MRTFA: variants seen among roughly 807,000 people sequenced by gnomAD.
MRTFA encodes myocardin-related transcription factor A.
In MRTFA, 20 loss-of-function variants were observed where a neutral mutation model predicts 83.5. The observed-to-expected ratio is 0.24, with a 90% CI of 0.17 to 0.35. MRTFA has a LOEUF of 0.35. Ranked by LOEUF, MRTFA falls within the 10% of genes least tolerant of loss-of-function variation. The probability of loss-of-function intolerance (pLI) is 1.00; values close to 1 mark genes in which losing one functional copy is unlikely to be tolerated. For synonymous variants in MRTFA, 659 were observed against 541.2 expected (o/e 1.22, Z -3.02); for missense variants, 1,200 against 1,224.7 (o/e 0.98, Z 0.30).
At position 40,410,944 on chromosome 22, in the gene MRTFA, G is replaced by A. The variant is rs2052507773; in HGVS notation, c.*446C>T. 4.2e-6 allele frequency: 1 copy of A among 235,680 alleles called. No homozygotes were observed. Among genetic ancestry groups the A allele is most frequent in the Middle Eastern group, 1.3e-3 (1 of 794 alleles). The allele number at this position is 235,680 out of a possible 1,614,324, so 14.6% of individuals were successfully genotyped here. A position where few individuals can be genotyped will look rare whatever the true frequency, so the allele number is the denominator to read the frequency against. On this transcript the variant is annotated 3_prime_UTR_variant, in exon 15 of 15. Transcript: ENST00000355630. ...TGGCAGACACAGGGAATAGGGGGTAGAGGCCCAGGCTAATTTCTCCCTTCA... is the reference window on the plus strand; with the variant it reads ...TGGCAGACACAGGGAATAGGGGGTAAAGGCCCAGGCTAATTTCTCCCTTCA...
intron 3 of MRTFA, among the ~76,000 whole-genome samples, chr22:40,501,976 G>C: frequency 7.8e-6 from 1 of 128,074 alleles, no homozygotes. Flanking sequence ...CTGGCCGGGC[G>C]GGGGGCTGAC....
chr22:40,587,792 C>T, intron 2 of MRTFA: 1 of 337,882 alleles, frequency 3.0e-6, no homozygotes, highest in East Asian at 7.3e-5. Flanking sequence ...CCCAACTCTG[C>T]CAGTACCCCA....
chr22:40,516,802 G>C (rs2054768187), intron 3 of MRTFA, among the ~76,000 whole-genome samples: 1 of 152,102 alleles, frequency 6.6e-6, no homozygotes, highest in Admixed American at 6.6e-5. Flanking sequence ...AAACAAGGAA[G>C]CTTCTATGCA....
At chr22:40,569,510 G>A (rs2055754135) in intron 2 of MRTFA, 1 of 153,920 alleles carries the variant, frequency 6.5e-6, no homozygotes, top group African/African-American at 2.4e-5. Context: ...GATTACTTAA[G>A]GTCAGGAGTT....
intron 7 of MRTFA, among the ~76,000 whole-genome samples, chr22:40,429,056 C>A (rs977473007): frequency 5.3e-5 from 8 of 152,222 alleles, no homozygotes; most frequent in Non-Finnish European, 8.8e-5. Context: ...AGCACAGCTT[C>A]TCTATCCTGC....
At chr22:40,445,130 C>T (rs1168169703) in intron 4 of MRTFA, among the ~76,000 whole-genome samples, 1 of 152,114 alleles carries the variant, frequency 6.6e-6, no homozygotes, top group Non-Finnish European at 1.5e-5. Context: ...TTTCATTACC[C>T]CCAACATACA....
intron 2 of MRTFA, among the ~76,000 whole-genome samples, chr22:40,594,202 G>A (rs996615248): frequency 6.6e-6 from 1 of 152,162 alleles, no homozygotes; most frequent in Non-Finnish European, 1.5e-5. Flanking sequence ...TGCCAGTAAT[G>A]GCCTGGCTAC....
At chr22:40,586,950 G>A (rs2056039866) in intron 2 of MRTFA, 9 of 446,774 alleles carry the variant, frequency 2.0e-5, no homozygotes, top group South Asian at 4.9e-5. Flanking sequence ...TGCCACCGCC[G>A]CCGCTGCCTT....
At chr22:40,465,617 G>GT (rs1177835079) in intron 3 of MRTFA, among the ~76,000 whole-genome samples, 1 of 152,168 alleles carries the variant, frequency 6.6e-6, no homozygotes, top group Non-Finnish European at 1.5e-5. Context: ...CTGGAGTGCA[G>GT]TGGCATGATC....
chr22:40,541,262 C>T lies in MRTFA; in HGVS notation c.241+10844G>A, dbSNP rs551572872. 1.9e-4 allele frequency among the ~76,000 whole-genome samples: 29 copies of T among 152,274 alleles called. 1 individual carries two copies. In the South Asian group the frequency reaches 5.8e-3, roughly 30 times the overall value. ...AAAATGTAACTTACACATGTATACACAAAAGCAACAAATGTATTTTTATGA... is the reference window on the plus strand; with the variant it reads ...AAAATGTAACTTACACATGTATACATAAAAGCAACAAATGTATTTTTATGA... On this transcript the variant is annotated intron_variant, in intron 3 of 14. Coordinates refer to ENST00000355630, the MANE Select transcript of MRTFA (RefSeq NM_020831.6).
intron 3 of MRTFA, among the ~76,000 whole-genome samples, chr22:40,474,678 T>C (rs1270940540): frequency 6.6e-6 from 1 of 152,128 alleles, no homozygotes; most frequent in Non-Finnish European, 1.5e-5. Context: ...GGGGATACAG[T>C]AGTGACTGAA....
At chr22:40,459,830 C>CATATATATACAT (rs2053673463) in intron 4 of MRTFA, among the ~76,000 whole-genome samples, 12 of 86,952 alleles carry the variant, frequency 1.4e-4, no homozygotes, top group African/African-American at 5.9e-4. Flanking sequence ...CACATATATA[C>CATATATATACAT]ATATATATAT....
intron 3 of MRTFA, among the ~76,000 whole-genome samples, chr22:40,464,344 C>G (rs997482239): frequency 2.2e-5 from 3 of 135,440 alleles, no homozygotes; most frequent in Non-Finnish European, 3.2e-5. Flanking sequence ...AACTATCTTT[C>G]TTTCAAAAGC....
At chr22:40,438,091 G>A (rs2053206091) in intron 4 of MRTFA, among the ~76,000 whole-genome samples, 1 of 152,184 alleles carries the variant, frequency 6.6e-6, no homozygotes, top group Non-Finnish European at 1.5e-5. Flanking sequence ...CCTCACAGAA[G>A]TTCTGGATAG....
intron 4 of MRTFA, among the ~76,000 whole-genome samples, chr22:40,435,990 G>GCT (rs1382551322): frequency 6.6e-6 from 1 of 151,558 alleles, no homozygotes; most frequent in Non-Finnish European, 1.5e-5. Flanking sequence ...AATATCAGTT[G>GCT]AAGTGAAGGC....
chr22:40,619,531 G>A (rs957373010), intron 1 of MRTFA, among the ~76,000 whole-genome samples: 1 of 152,142 alleles, frequency 6.6e-6, no homozygotes, highest in African/African-American at 2.4e-5. Flanking sequence ...TGAAGGTACA[G>A]CCTGGTTTCT....
chr22:40,625,502 G>A (rs1010717544), intron 1 of MRTFA, among the ~76,000 whole-genome samples: 12 of 151,838 alleles, frequency 7.9e-5, no homozygotes, highest in African/African-American at 2.7e-4. Flanking sequence ...AATAAGGCCT[G>A]GCAGGGTGGC....
intron 3 of MRTFA, chr22:40,522,514 T>C (rs1426780444): frequency 2.0e-5 from 3 of 152,274 alleles, no homozygotes; most frequent in Non-Finnish European, 4.4e-5. Flanking sequence ...TCACTCATAA[T>C]TGTGCAGGAT....
chr22:40,437,970 G>C (rs1339747312), intron 4 of MRTFA, among the ~76,000 whole-genome samples: 1 of 152,140 alleles, frequency 6.6e-6, no homozygotes, highest in Non-Finnish European at 1.5e-5. Flanking sequence ...TGAGTATTCT[G>C]TAAGAAACGG....
Sources: allele counts gnomAD v4.1 joint callset (sites outside exome capture counted in the v4.1 genomes callset), GRCh38; gene constraint gnomAD v4.1.1; transcripts MANE v1.5; gene names NCBI Gene and HGNC (gene_info 2026-07-23, HGNC 2026-07-21).